The following SLC4A10 variants were observed in gnomAD, a reference collection of about 807,000 sequenced individuals.
The protein encoded by SLC4A10 is solute carrier family 4 member 10, also known as sodium-driven chloride bicarbonate exchanger.
SLC4A10 carries 42 observed loss-of-function variants against 137.7 expected under a neutral mutation model. That is an observed-to-expected ratio of 0.30 (90% CI 0.24 to 0.39). The LOEUF (loss-of-function observed/expected upper bound fraction) is 0.39, where lower values mean the gene tolerates loss of function less well. Ranked by LOEUF, SLC4A10 falls within the 10% of genes least tolerant of loss-of-function variation. The pLI is 1.00. For missense variants in SLC4A10, 925 were observed against 1,355.0 expected, an observed-to-expected ratio of 0.68 and a Z score of 4.98; for synonymous variants, 474 against 464.1, an observed-to-expected ratio of 1.02 and a Z score of -0.27.
chr2:161,698,292 C>A (rs1052454369), intron 1 of SLC4A10, among the ~76,000 whole-genome samples: 1 of 152,100 alleles, frequency 6.6e-6, no homozygotes, highest in East Asian at 1.9e-4. Flanking sequence ...ATTGAATACC[C>A]TTTATTTCTT....
chr2:161,971,265 T>C (rs572347021), intron 23 of SLC4A10, among the ~76,000 whole-genome samples: 25 of 152,370 alleles, frequency 1.6e-4, no homozygotes, highest in African/African-American at 5.5e-4. Context: ...TCAATTTTCT[T>C]GTCCTGTACT....
chr2:161,892,537 G>C (rs2063030719), intron 10 of SLC4A10, among the ~76,000 whole-genome samples: 1 of 152,022 alleles, frequency 6.6e-6, no homozygotes, highest in African/African-American at 2.4e-5. Flanking sequence ...TTCTTAGTTG[G>C]AAAGTCAATA....
intron 15 of SLC4A10, among the ~76,000 whole-genome samples, chr2:161,932,875 CT>C (rs1690668344): frequency 2.6e-5 from 4 of 152,096 alleles, no homozygotes; most frequent in South Asian, 4.2e-4. Context: ...CTGATCTTTT[CT>C]CCCCATACTC....
At chr2:161,703,200 G>A (rs1237624025) in intron 1 of SLC4A10, among the ~76,000 whole-genome samples, 1 of 151,588 alleles carries the variant, frequency 6.6e-6, no homozygotes, top group Non-Finnish European at 1.5e-5. Flanking sequence ...AATAGAGGAT[G>A]TATGTAAGGC....
chr2:161,679,052 T>C (rs1399401663), intron 1 of SLC4A10, among the ~76,000 whole-genome samples: 1 of 152,028 alleles, frequency 6.6e-6, no homozygotes, highest in Non-Finnish European at 1.5e-5. Flanking sequence ...AAAGTGGTTT[T>C]ATCAATTTAC....
intron 24 of SLC4A10, 22 bp from the exon 25 acceptor site, chr2:161,976,738 A>G: frequency 7.7e-7 from 1 of 1,296,420 alleles, no homozygotes; most frequent in Non-Finnish European, 1.1e-6. Context: ...TTATTATTTC[A>G]TTTGGGGAAA....
intron 1 of SLC4A10, among the ~76,000 whole-genome samples, chr2:161,764,935 G>C (rs77080354): frequency 0.028 from 4,308 of 152,196 alleles, 193 homozygotes; most frequent in African/African-American, 0.098. Flanking sequence ...ATGAATTATA[G>C]TTTGTTCATT....
intron 8 of SLC4A10, among the ~76,000 whole-genome samples, chr2:161,876,140 G>A (rs55711310): frequency 0.061 from 9,228 of 152,136 alleles, 369 homozygotes; most frequent in East Asian, 0.13. Flanking sequence ...TGAGGTCTGG[G>A]CAGCCCAGAA....
At chr2:161,627,302 ACT>A (rs2032594577) in intron 1 of SLC4A10, among the ~76,000 whole-genome samples, 1 of 152,020 alleles carries the variant, frequency 6.6e-6, no homozygotes, top group African/African-American at 2.4e-5. Context: ...ACTGGAAAAG[ACT>A]CTTCATAGTG....
chr2:161,873,402 G>T lies in SLC4A10; in HGVS notation c.859-514G>T, dbSNP rs1197200272. Among the ~76,000 whole-genome samples the T allele has an allele frequency of 3.3e-5, 5 of 151,784 alleles. No homozygotes were observed. The South Asian group carries it at 1.0e-3, about 32-fold the overall frequency. On this transcript the variant is annotated intron_variant, in intron 7 of 26. Coordinates refer to ENST00000446997, the MANE Select transcript of SLC4A10 (RefSeq NM_001178015.2). ...AGTTTCTAGCCGGGTGTGGTGGCGC[G>T]TGCCTGTGGTTCCAGCCACTTGGGA...
chr2:161,896,234 C>T (rs1381110318), intron 11 of SLC4A10, among the ~76,000 whole-genome samples: 3 of 151,134 alleles, frequency 2.0e-5, no homozygotes, highest in Admixed American at 6.6e-5. Context: ...AGATATGCAG[C>T]GTTATTTCTG....
At chr2:161,699,065 G>A (rs1382098583) in intron 1 of SLC4A10, among the ~76,000 whole-genome samples, 2 of 152,220 alleles carry the variant, frequency 1.3e-5, no homozygotes, top group East Asian at 1.9e-4. Context: ...TGTCGCCCAG[G>A]CTGGAGTGCA....
chr2:161,938,205 A>G (rs1415053662), intron 15 of SLC4A10, among the ~76,000 whole-genome samples: 2 of 152,184 alleles, frequency 1.3e-5, no homozygotes, highest in African/African-American at 4.8e-5. Flanking sequence ...TGGGAGGCGG[A>G]GGTTGCAGTG....
At chr2:161,826,044 A>G (rs1036264484) in intron 3 of SLC4A10, among the ~76,000 whole-genome samples, 4 of 152,202 alleles carry the variant, frequency 2.6e-5, no homozygotes, top group Non-Finnish European at 4.4e-5. Flanking sequence ...ATTAGAATTG[A>G]TAATATTATA....
intron 23 of SLC4A10, among the ~76,000 whole-genome samples, chr2:161,968,353 T>A (rs929452381): frequency 1.3e-5 from 2 of 152,190 alleles, no homozygotes; most frequent in African/African-American, 2.4e-5. Context: ...GTGTCTAATC[T>A]TTTTATATTA....
At chr2:161,751,646 G>A (rs554180897) in intron 1 of SLC4A10, among the ~76,000 whole-genome samples, 18 of 151,698 alleles carry the variant, frequency 1.2e-4, no homozygotes, top group African/African-American at 3.4e-4. Flanking sequence ...CTCCTATTCC[G>A]CCATCTTGCT....
At chr2:161,779,794 T>A (rs2052802326) in intron 2 of SLC4A10, among the ~76,000 whole-genome samples, 1 of 152,002 alleles carries the variant, frequency 6.6e-6, no homozygotes, top group Non-Finnish European at 1.5e-5. Context: ...CTAAGAATAA[T>A]TTTTACATTT....
intron 1 of SLC4A10, among the ~76,000 whole-genome samples, chr2:161,707,930 A>C (rs1326382418): frequency 6.6e-6 from 1 of 151,436 alleles, no homozygotes; most frequent in African/African-American, 2.4e-5. Flanking sequence ...ATAGGCGCTC[A>C]TCATTTTGAT....
chr2:161,730,610 T>C (rs758739635), intron 1 of SLC4A10, among the ~76,000 whole-genome samples: 48 of 152,320 alleles, frequency 3.2e-4, no homozygotes, highest in Non-Finnish European at 6.5e-4. Flanking sequence ...TAGTTAGGTC[T>C]CTGTCCTGAA....
Sources: allele counts gnomAD v4.1 joint callset (sites outside exome capture counted in the v4.1 genomes callset), GRCh38; gene constraint gnomAD v4.1.1; transcripts MANE v1.5; gene names NCBI Gene and HGNC (gene_info 2026-07-23, HGNC 2026-07-21).